The following CMC1 variants were observed in gnomAD, a reference collection of about 807,000 sequenced individuals.
The protein encoded by CMC1 is COX assembly mitochondrial protein homolog.
Under a neutral mutation model 14.1 loss-of-function variants are expected in CMC1, and 14 were observed. The ratio of observed to expected loss-of-function variants is 0.99; its 90% confidence interval spans 0.66 to 1.55. The LOEUF (loss-of-function observed/expected upper bound fraction) is 1.55. Among genes scored for constraint, CMC1 ranks in the 40% most tolerant of loss-of-function variants. CMC1 has a pLI of 0.00. For missense variants in CMC1, 127 were observed against 123.8 expected (o/e 1.03, Z -0.12); for synonymous variants, 50 against 38.4 (o/e 1.30, Z -1.12).
intron 2 of CMC1, among the ~76,000 whole-genome samples, chr3:28,275,116 C>G (rs1447800653): frequency 6.6e-6 from 1 of 152,102 alleles, no homozygotes; most frequent in African/African-American, 2.4e-5. Flanking sequence ...TCAGCCTCAG[C>G]CCAGTTCTAT....
chr3:28,308,298 C>T (rs1702439612), intron 2 of CMC1, among the ~76,000 whole-genome samples: 1 of 151,978 alleles, frequency 6.6e-6, no homozygotes, highest in African/African-American at 2.4e-5. Context: ...GAAAAAGCTA[C>T]TTTTATATCT....
intron 2 of CMC1, among the ~76,000 whole-genome samples, chr3:28,272,580 G>A (rs370259972): frequency 5.9e-5 from 9 of 152,244 alleles, no homozygotes; most frequent in South Asian, 2.1e-4. Flanking sequence ...TGACTTCATC[G>A]TGGTGGATAA....
chr3:28,322,108 T>A lies in CMC1; in HGVS notation c.*2479T>A, dbSNP rs570862438. 1.7e-4 allele frequency: 25 copies of A among 150,902 alleles called. No individual in the cohort carries two copies. The highest frequency in any genetic ancestry group is 4.2e-4 in the South Asian group (2 of 4,796). 9.3% of individuals were successfully genotyped at this position (150,902 alleles called of 1,614,324 possible). On this transcript the variant is annotated 3_prime_UTR_variant, in exon 4 of 4. Transcript: ENST00000466830. ...TAAAAGCTTCTAGCTGGGTAAAAAA[T>A]TTTTGGCTAATCTTTCCTTACTAAA...
intron 1 of CMC1, among the ~76,000 whole-genome samples, chr3:28,242,759 G>A (rs1373304284): frequency 1.3e-5 from 2 of 152,196 alleles, no homozygotes; most frequent in African/African-American, 4.8e-5. Flanking sequence ...TGGTAGATCA[G>A]GGAGTACTCT....
intron 2 of CMC1, chr3:28,298,494 A>G (rs1282545999): frequency 6.7e-6 from 1 of 149,488 alleles, no homozygotes; most frequent in African/African-American, 2.4e-5. Flanking sequence ...TATAAAATAT[A>G]GTATGCAATG....
At chr3:28,309,137 C>G (rs992026502) in intron 2 of CMC1, among the ~76,000 whole-genome samples, 2 of 152,028 alleles carry the variant, frequency 1.3e-5, no homozygotes, top group Non-Finnish European at 2.9e-5. Context: ...TTTCTCCTAG[C>G]GTTAAGTGTT....
At chr3:28,313,323 C>T (rs191988002) in intron 2 of CMC1, among the ~76,000 whole-genome samples, 70 of 152,204 alleles carry the variant, frequency 4.6e-4, no homozygotes, top group African/African-American at 1.7e-3. Context: ...ACAATCTCTC[C>T]GCATTCCTAC....
chr3:28,268,452 G>T (rs994931573), intron 2 of CMC1, among the ~76,000 whole-genome samples: 1 of 152,086 alleles, frequency 6.6e-6, no homozygotes, highest in Non-Finnish European at 1.5e-5. Context: ...TCAGTCCCCA[G>T]AATTTTTATT....
At chr3:28,249,015 C>T (rs1698990303) in intron 1 of CMC1, among the ~76,000 whole-genome samples, 1 of 152,226 alleles carries the variant, frequency 6.6e-6, no homozygotes, top group Non-Finnish European at 1.5e-5. Flanking sequence ...TGGTCTCGAT[C>T]TCCTGACCTT....
At chr3:28,303,361 A>G (rs1271015040) in intron 2 of CMC1, among the ~76,000 whole-genome samples, 2 of 152,148 alleles carry the variant, frequency 1.3e-5, no homozygotes, top group Admixed American at 1.3e-4. Context: ...GTTTTCCATC[A>G]TGTATGTTCC....
rs1698526676 is a variant in CMC1, at chr3:28,241,768, G to A, written c.-26G>A. ...CCTGCGTGCCCCGGAGCCGCCAAGC[G>A]GCTACGTTCTTCTCGGCCCGCCGAG... On this transcript the variant is annotated 5_prime_UTR_variant, in exon 1 of 4. Coordinates refer to ENST00000466830, the MANE Select transcript of CMC1 (RefSeq NM_182523.2). 3 of 1,241,770 alleles carry A rather than the reference G, an allele frequency of 2.4e-6. No individual in the cohort carries two copies. The highest frequency in any genetic ancestry group is 3.0e-6 in the Non-Finnish European group (3 of 988,110). 76.9% of individuals were successfully genotyped at this position (1,241,770 alleles called of 1,614,324 possible).
intron 1 of CMC1, among the ~76,000 whole-genome samples, chr3:28,259,595 A>G (rs1269507851): frequency 6.6e-6 from 1 of 152,114 alleles, no homozygotes; most frequent in Non-Finnish European, 1.5e-5. Flanking sequence ...TTCTGTAATT[A>G]TATGACATCT....
At chr3:28,305,046 T>A (rs2125585438) in intron 2 of CMC1, among the ~76,000 whole-genome samples, 1 of 152,258 alleles carries the variant, frequency 6.6e-6, no homozygotes, top group East Asian at 1.9e-4. Flanking sequence ...ACAGTGATCA[T>A]AGTAACCAAT....
intron 2 of CMC1, chr3:28,293,025 A>C (rs185609730): frequency 1.3e-5 from 2 of 152,276 alleles, no homozygotes; most frequent in East Asian, 3.9e-4. Flanking sequence ...GAGTATTTTG[A>C]ATCTCCAATC....
At chr3:28,253,140 C>G (rs907521919) in intron 1 of CMC1, among the ~76,000 whole-genome samples, 2 of 152,146 alleles carry the variant, frequency 1.3e-5, no homozygotes, top group African/African-American at 4.8e-5. Flanking sequence ...TATCTTTGTG[C>G]TGTTGAGAAA....
At chr3:28,300,490 TGA>T (rs982388890) in intron 2 of CMC1, among the ~76,000 whole-genome samples, 32 of 151,926 alleles carry the variant, frequency 2.1e-4, no homozygotes, top group Non-Finnish European at 4.6e-4. Context: ...TAGGAAAAAA[TGA>T]GAGAGAGGGA....
Position 28,316,348 on chromosome 3 carries a change from G to T in CMC1, c.125G>T (p.Cys42Phe). The T allele has an allele frequency of 6.4e-7, 1 of 1,565,202 alleles. No individual in the cohort carries two copies. The highest frequency in any genetic ancestry group is 8.7e-7 in the Non-Finnish European group (1 of 1,155,952). Residue 42 changes from cysteine (C) to phenylalanine (F), a missense_variant, in exon 3 of 4, where the codon TGC becomes TTC. Coordinates refer to ENST00000466830, the MANE Select transcript of CMC1 (RefSeq NM_182523.2). Reference sequence around the variant, plus strand: ...TTTATTTCAGATTTTACCAAATGTTGCAAGAACTCTGGAGTTCTTATGGTA... The same window carrying T: ...TTTATTTCAGATTTTACCAAATGTTTCAAGAACTCTGGAGTTCTTATGGTA... ...SEQVQDFTKC[C>F]KNSGVLMVVK...
Position 28,324,241 on chromosome 3 carries a change from G to A in CMC1, c.*4612G>A, listed in dbSNP as rs764881587. 6.2e-7 allele frequency: 1 copy of A among 1,610,156 alleles called. No individual in the cohort carries two copies. The highest frequency in any genetic ancestry group is 8.5e-7 in the Non-Finnish European group (1 of 1,177,486). ...TTCCTGAAAGCATGTACCATCATTAGGAATGGATCTCTCATTGTCTGTCCA... is the reference window on the plus strand; with the variant it reads ...TTCCTGAAAGCATGTACCATCATTAAGAATGGATCTCTCATTGTCTGTCCA... On this transcript the variant is annotated 3_prime_UTR_variant, in exon 4 of 4. Coordinates refer to ENST00000466830, the MANE Select transcript of CMC1 (RefSeq NM_182523.2).
intron 2 of CMC1, among the ~76,000 whole-genome samples, chr3:28,284,749 T>C (rs1255828727): frequency 6.6e-6 from 1 of 152,138 alleles, no homozygotes; most frequent in East Asian, 1.9e-4. Flanking sequence ...TGTGTGTGTG[T>C]GTGTTGGCTA....
Sources: gnomAD v4.1 joint callset for allele counts (sites outside exome capture counted in the v4.1 genomes callset) on GRCh38, gnomAD v4.1.1 for gene constraint, MANE v1.5 for transcripts, NCBI Gene and HGNC (gene_info 2026-07-23, HGNC 2026-07-21) for gene names.